HNRNPUL2: variants seen among roughly 807,000 people sequenced by gnomAD.
The protein encoded by HNRNPUL2 is heterogeneous nuclear ribonucleoprotein U-like protein 2.
HNRNPUL2 carries 27 observed loss-of-function variants against 102.2 expected under a neutral mutation model. That is an observed-to-expected ratio of 0.26 (90% CI 0.19 to 0.36). The LOEUF (loss-of-function observed/expected upper bound fraction) is 0.36, where lower values mean the gene tolerates loss of function less well. Ranked by LOEUF, HNRNPUL2 falls within the 10% of genes least tolerant of loss-of-function variation. HNRNPUL2 has a pLI of 1.00. For missense variants in HNRNPUL2, 936 were observed against 981.1 expected (o/e 0.95, Z 0.61); for synonymous variants, 458 against 387.2 (o/e 1.18, Z -2.15).
chr11:62,726,616 C>T lies in HNRNPUL2; in HGVS notation c.538+3G>A, dbSNP rs751736648. On this transcript the variant is annotated splice_donor_region_variant and intron_variant, in intron 1 of 13. Coordinates refer to ENST00000301785, the MANE Select transcript of HNRNPUL2 (RefSeq NM_001079559.3). ...GAGCCGGGCTCGGCTGCCAGCTCCTCACCCTGTTCCTCGGCGGCCTTGTCA... is the reference window on the plus strand; with the variant it reads ...GAGCCGGGCTCGGCTGCCAGCTCCTTACCCTGTTCCTCGGCGGCCTTGTCA... 32 of 1,575,198 alleles carry T rather than the reference C, an allele frequency of 2.0e-5. No homozygotes were observed. In the South Asian group the frequency reaches 3.6e-4, roughly 18 times the overall value.
At position 62,727,167 on chromosome 11, in the gene HNRNPUL2, G is replaced by A. The variant is rs2083761391; in HGVS notation, c.-11C>T. 5 of 1,419,092 alleles carry A rather than the reference G, an allele frequency of 3.5e-6. No individual in the cohort carries two copies. In the East Asian group the frequency reaches 1.3e-4, roughly 36 times the overall value. 87.9% of individuals were successfully genotyped at this position (1,419,092 alleles called of 1,614,324 possible). ...CCGCTTCACCTCCATCGCCGCCGCC[G>A]CCTCCTCCGCCTCCCGCCGCCTCCT... On this transcript the variant is annotated 5_prime_UTR_variant, in exon 1 of 14. Transcript: ENST00000301785.
intron 8 of HNRNPUL2, 45 bp downstream of exon 8, chr11:62,721,775 G>A (rs868341634): frequency 1.2e-6 from 2 of 1,600,810 alleles, no homozygotes; most frequent in African/African-American, 1.3e-5. Flanking sequence ...TAGGTTATAA[G>A]AGTCTCCAAA....
rs779239984 is a variant in HNRNPUL2, at chr11:62,720,093, C to T, written c.1710G>A (p.Lys570=). 8.1e-6 allele frequency: 13 copies of T among 1,614,088 alleles called. No homozygotes were observed. The South Asian group carries it at 1.3e-4, about 16-fold the overall frequency. Residue 570 remains lysine (K), a synonymous_variant, in exon 10 of 14, where the codon AAG becomes AAA. Coordinates refer to ENST00000301785, the MANE Select transcript of HNRNPUL2 (RefSeq NM_001079559.3). Reference sequence around the variant, plus strand: ...CTTCCTTCCTCAACTCCAGCCTCTTCTTCCAATCTTCCTCATTAGGGACAA... The same window carrying T: ...CTTCCTTCCTCAACTCCAGCCTCTTTTTCCAATCTTCCTCATTAGGGACAA... ...VVVVPNEEDW[K]KRLELRKEVE... is the part of the protein sequence containing the mutation.
intron 1 of HNRNPUL2, among the ~76,000 whole-genome samples, 180 bp downstream of exon 1, chr11:62,726,439 G>C (rs1024314309): frequency 6.6e-6 from 1 of 152,240 alleles, no homozygotes; most frequent in African/African-American, 2.4e-5. Context: ...CCTGCAAAGA[G>C]TAGGGCCACG....
intron 1 of HNRNPUL2, 82 bp downstream of exon 1, chr11:62,726,537 C>T: frequency 1.5e-6 from 2 of 1,357,356 alleles, no homozygotes; most frequent in Non-Finnish European, 1.9e-6. Flanking sequence ...AACAAGGACT[C>T]GGACCCTGCG....
rs1297113720 is a variant in HNRNPUL2, at chr11:62,723,480, A to C, written c.891+107T>G. On this transcript the variant is annotated intron_variant, in intron 4 of 13. Transcript: ENST00000301785. ...GACTCCAGCCTGGGTAACAAGAGCG[A>C]AACTCCATCTCAAAAAAAAAGAGAT... 3 of 1,236,670 alleles carry C rather than the reference A, an allele frequency of 2.4e-6. No individual in the cohort carries two copies. The East Asian group carries it at 7.7e-5, about 32-fold the overall frequency. The allele number at this position is 1,236,670 out of a possible 1,614,324, so 76.6% of individuals were successfully genotyped here.
At chr11:62,725,711 C>G (rs903462858) in intron 1 of HNRNPUL2, among the ~76,000 whole-genome samples, 3 of 152,174 alleles carry the variant, frequency 2.0e-5, no homozygotes, top group African/African-American at 7.2e-5. Context: ...TAAGACTTAT[C>G]CTCCCTACTC....
chr11:62,721,314 C>T lies in HNRNPUL2; in HGVS notation c.1592G>A (p.Arg531Lys), dbSNP rs1218391870. The T allele has an allele frequency of 1.2e-6, 2 of 1,607,204 alleles. No individual in the cohort carries two copies. Among genetic ancestry groups the T allele is most frequent in the African/African-American group, 1.3e-5 (1 of 74,378 alleles). Reference protein sequence around the residue: ...KLVQIASRTKRNFILDQCNVY... With the variant: ...KLVQIASRTKKNFILDQCNVY... Reference sequence around the variant, plus strand: ...TAATACCTGATCAAGAATAAAGTTCCTCTTTGTCCGGGAAGCAATCTGGAC... The same window carrying T: ...TAATACCTGATCAAGAATAAAGTTCTTCTTTGTCCGGGAAGCAATCTGGAC... Residue 531 changes from arginine (R) to lysine (K), a missense_variant, in exon 9 of 14, where the codon AGG becomes AAG. Physicochemically the swap from Arg to Lys is conservative, Grantham distance 26. This residue lies in a region of HNRNPUL2 where 609 missense variants were observed against 713.0 expected (regional missense o/e 0.85). Transcript: ENST00000301785.
Position 62,723,998 on chromosome 11 carries a change from T to C in HNRNPUL2, c.675-8A>G. The C allele has an allele frequency of 1.9e-6, 3 of 1,608,700 alleles. No individual in the cohort carries two copies. Among genetic ancestry groups the C allele is most frequent in the Non-Finnish European group, 1.7e-6 (2 of 1,175,340 alleles). ...GGCAGTGGAGACTTTGAGCTATATATGTAAGATAGAAAAGAAACACAATGT... is the reference window on the plus strand; with the variant it reads ...GGCAGTGGAGACTTTGAGCTATATACGTAAGATAGAAAAGAAACACAATGT... On this transcript the variant is annotated splice_region_variant and splice_polypyrimidine_tract_variant and intron_variant, in intron 2 of 13. Transcript: ENST00000301785.
At chr11:62,717,520 G>A (rs2083669488) in intron 10 of HNRNPUL2, among the ~76,000 whole-genome samples, 1 of 152,188 alleles carries the variant, frequency 6.6e-6, no homozygotes, top group Admixed American at 6.5e-5. Context: ...GAAAGTTCTG[G>A]TGTTGGTCAG....
In HNRNPUL2 at chr11:62,720,088, C is replaced by T. The variant is rs1286140751; in HGVS notation, c.1715G>A (p.Arg572Lys). ...VVPNEEDWKK[R>K]LELRKEVEGD... is the part of the protein sequence containing the mutation. ...CTCTACTTCCTTCCTCAACTCCAGC[C>T]TCTTCTTCCAATCTTCCTCATTAGG... is the stretch of plus-strand genomic sequence containing the variant. The change falls in exon 10 of 14, where the codon AGG (arginine) becomes AAG (lysine). Residue 572 changes from arginine (R) to lysine (K), a missense_variant. Coordinates refer to ENST00000301785, the MANE Select transcript of HNRNPUL2 (RefSeq NM_001079559.3). 1 of 1,614,228 alleles carries T rather than the reference C, an allele frequency of 6.2e-7. No individual in the cohort carries two copies. Among genetic ancestry groups the T allele is most frequent in the Admixed American group, 1.7e-5 (1 of 60,024 alleles).
chr11:62,715,843 CAGA>C lies in HNRNPUL2; in HGVS notation c.2055+18_2055+20del, dbSNP rs774305592. ...GGCTCTCACAGCCCAGAGTGAGGAG[CAGA>C]AGGAGAGCTGCACTCACCCCTCTGT... is the stretch of plus-strand genomic sequence containing the variant. On this transcript the variant is annotated intron_variant, in intron 12 of 13. Transcript: ENST00000301785. The C allele has an allele frequency of 2.7e-5, 44 of 1,609,026 alleles. No individual in the cohort carries two copies. The highest frequency in any genetic ancestry group is 2.0e-4 in the African/African-American group (15 of 74,842).
chr11:62,727,265 G>A lies in HNRNPUL2; in HGVS notation c.-109C>T, dbSNP rs987848071. On this transcript the variant is annotated 5_prime_UTR_variant, in exon 1 of 14. Transcript: ENST00000301785. The stretch of plus-strand genomic sequence containing the variant: ...CCGCCCGCCTCCGCCTCACGCGCCA[G>A]CACTGAGCCCGCGCGAGCGAGCGCA... 5.8e-6 allele frequency: 7 copies of A among 1,215,160 alleles called. No individual in the cohort carries two copies. The highest frequency in any genetic ancestry group is 3.4e-5 in the South Asian group (1 of 29,668). 75.3% of individuals were successfully genotyped at this position (1,215,160 alleles called of 1,614,324 possible).
At chr11:62,725,410 G>A (rs1164006466) in intron 1 of HNRNPUL2, among the ~76,000 whole-genome samples, 2 of 152,192 alleles carry the variant, frequency 1.3e-5, no homozygotes, top group African/African-American at 4.8e-5. Context: ...ATGTTGACCA[G>A]GCTGGTCTCA....
intron 1 of HNRNPUL2, among the ~76,000 whole-genome samples, chr11:62,726,300 C>T (rs2083745774): frequency 6.6e-6 from 1 of 152,152 alleles, no homozygotes; most frequent in Admixed American, 6.6e-5. Flanking sequence ...TTAGCACTTT[C>T]TCAGCTAAGA....
rs750655313 is a variant in HNRNPUL2 at position 62,721,981 on chromosome 11, TGAG to T, written c.1360-42_1360-40del. On this transcript the variant is annotated intron_variant, in intron 7 of 13. Coordinates refer to ENST00000301785, the MANE Select transcript of HNRNPUL2 (RefSeq NM_001079559.3). ...AACCAGAAATATAATGAAAAATAAA[TGAG>T]GGTCATGTTTATCAAAACCAATTTA... is the stretch of plus-strand genomic sequence containing the variant. The T allele has an allele frequency of 2.5e-6, 4 of 1,612,238 alleles. No individual in the cohort carries two copies. In the South Asian group the frequency reaches 4.4e-5, roughly 18 times the overall value.
At chr11:62,721,771 A>T (rs746782090) in intron 8 of HNRNPUL2, 49 bp downstream of exon 8, 2 of 1,596,998 alleles carry the variant, frequency 1.3e-6, no homozygotes, top group East Asian at 2.2e-5. Context: ...AAGATAGGTT[A>T]TAAGAGTCTC....
At chr11:62,723,875 G>T in intron 3 of HNRNPUL2, 39 bp downstream of exon 3, 1 of 1,603,190 alleles carries the variant, frequency 6.2e-7, no homozygotes, top group Non-Finnish European at 8.5e-7. Flanking sequence ...ACTTTTAGGA[G>T]ATTAGTTAAA....
rs558054847 is a variant in HNRNPUL2 at position 62,714,264 on chromosome 11, G to A, written c.*1035C>T. ...TGCTATTCTCAGCACCTGGGCCTGT[G>A]AGCCCACACCACAGGATTCACCTAT... On this transcript the variant is annotated 3_prime_UTR_variant, in exon 14 of 14. Coordinates refer to ENST00000301785, the MANE Select transcript of HNRNPUL2 (RefSeq NM_001079559.3). The A allele has an allele frequency of 6.6e-6, 1 of 151,978 alleles. No individual in the cohort carries two copies. The highest frequency in any genetic ancestry group is 1.5e-5 in the Non-Finnish European group (1 of 68,014). 9.4% of individuals were successfully genotyped at this position (151,978 alleles called of 1,614,324 possible). A position where few individuals can be genotyped will look rare whatever the true frequency, so the allele number is the denominator to read the frequency against.
Sources: gnomAD v4.1 joint callset for allele counts (sites outside exome capture counted in the v4.1 genomes callset) on GRCh38, gnomAD v4.1.1 for gene constraint, gnomAD v4.1.1 regional missense constraint, MANE v1.5 for transcripts, NCBI Gene and HGNC (gene_info 2026-07-23, HGNC 2026-07-21) for gene names.